Variants in POC1A observed in about 807,000 individuals in gnomAD.
POC1A encodes POC1 centriolar protein homolog A.
POC1A carries 34 observed loss-of-function variants against 47.8 expected under a neutral mutation model. The ratio of observed to expected loss-of-function variants is 0.71; its 90% CI spans 0.54 to 0.95. The LOEUF is 0.95. Among genes scored for constraint, POC1A ranks in the 40% least tolerant of loss-of-function variants. The pLI is 0.00. For synonymous variants in POC1A, 177 were observed against 207.6 expected (o/e 0.85, Z 1.27); for missense variants, 466 against 528.3 (o/e 0.88, Z 1.16).
intron 3 of POC1A, 62 bp downstream of exon 3, chr3:52,149,754 G>A: frequency 6.6e-6 from 10 of 1,505,816 alleles, no homozygotes; most frequent in African/African-American, 1.4e-5. Context: ...GGACCTGGGT[G>A]GGGATGGCTC....
At chr3:52,111,290 C>G (rs1334868666) in intron 9 of POC1A, among the ~76,000 whole-genome samples, 2 of 152,224 alleles carry the variant, frequency 1.3e-5, no homozygotes, top group Non-Finnish European at 2.9e-5. Flanking sequence ...AACCTTGCCA[C>G]CTCTACCCTA....
chr3:52,107,788 T>C (rs1469408789), intron 9 of POC1A, among the ~76,000 whole-genome samples: 1 of 152,192 alleles, frequency 6.6e-6, no homozygotes, highest in African/African-American at 2.4e-5. Context: ...TTTCCATATA[T>C]CCCTCTGCCA....
chr3:52,087,532 C>T (rs1702502278), intron 10 of POC1A, among the ~76,000 whole-genome samples: 1 of 152,166 alleles, frequency 6.6e-6, no homozygotes, highest in South Asian at 2.1e-4. Context: ...GACGGTTTTG[C>T]ATCCCCCAGC....
intron 9 of POC1A, among the ~76,000 whole-genome samples, chr3:52,098,754 T>C (rs1289570275): frequency 6.6e-6 from 1 of 152,138 alleles, no homozygotes; most frequent in Admixed American, 6.5e-5. Flanking sequence ...CCACAGCACT[T>C]AACACTCCAC....
chr3:52,128,790 A>G (rs1158571661), intron 7 of POC1A, among the ~76,000 whole-genome samples: 1 of 152,196 alleles, frequency 6.6e-6, no homozygotes, highest in African/African-American at 2.4e-5. Flanking sequence ...TGTCACCTGC[A>G]TTGAGTTCTT....
chr3:52,099,547 C>T (rs1157345455), intron 9 of POC1A, among the ~76,000 whole-genome samples: 1 of 152,146 alleles, frequency 6.6e-6, no homozygotes, highest in Non-Finnish European at 1.5e-5. Flanking sequence ...TTAAGTATAA[C>T]ATGAATAAAA....
chr3:52,097,257 G>T (rs1003698833), intron 9 of POC1A, among the ~76,000 whole-genome samples: 9 of 152,198 alleles, frequency 5.9e-5, no homozygotes, highest in Admixed American at 5.9e-4. Flanking sequence ...GCGGGGAGAG[G>T]GGTGTTCCAA....
intron 9 of POC1A, among the ~76,000 whole-genome samples, chr3:52,116,041 T>C (rs887756887): frequency 1.3e-5 from 2 of 152,202 alleles, no homozygotes; most frequent in Non-Finnish European, 2.9e-5. Context: ...AAAAAATCTA[T>C]GAGGCAGATG....
intron 10 of POC1A, among the ~76,000 whole-genome samples, chr3:52,096,188 C>T (rs1217733107): frequency 1.3e-5 from 2 of 152,260 alleles, no homozygotes; most frequent in Admixed American, 6.5e-5. Context: ...AACTCATAGC[C>T]TAGGTTCTCA....
chr3:52,120,117 A>G (rs535703895), intron 9 of POC1A, among the ~76,000 whole-genome samples: 37 of 152,344 alleles, frequency 2.4e-4, no homozygotes, highest in African/African-American at 8.4e-4. Context: ...GAACAGTGTT[A>G]TAAAAAGTAG....
At chr3:52,098,132 G>T (rs1490953662) in intron 9 of POC1A, among the ~76,000 whole-genome samples, 1 of 152,154 alleles carries the variant, frequency 6.6e-6, no homozygotes, top group Non-Finnish European at 1.5e-5. Context: ...TCCTTCAAAC[G>T]GCTGGGCTGT....
At chr3:52,112,468 A>G (rs150080394) in intron 9 of POC1A, among the ~76,000 whole-genome samples, 1 of 152,176 alleles carries the variant, frequency 6.6e-6, no homozygotes, top group African/African-American at 2.4e-5. Flanking sequence ...GCGAAACCCC[A>G]TCTCTACTAA....
intron 9 of POC1A, among the ~76,000 whole-genome samples, chr3:52,107,675 G>A (rs938055823): frequency 1.3e-5 from 2 of 152,208 alleles, no homozygotes; most frequent in Admixed American, 1.3e-4. Context: ...GGAGATCAAG[G>A]ATTCCGATAA....
chr3:52,138,025 T>A (rs1345917691), intron 7 of POC1A, 144 bp downstream of exon 7: 2 of 841,986 alleles, frequency 2.4e-6, no homozygotes, highest in African/African-American at 3.4e-5. Flanking sequence ...GGCCCAGCAA[T>A]CTGCCCAGGT....
intron 7 of POC1A, among the ~76,000 whole-genome samples, chr3:52,131,705 TCCCCA>T (rs1451587049): frequency 6.6e-6 from 1 of 151,962 alleles, no homozygotes; most frequent in Non-Finnish European, 1.5e-5. Flanking sequence ...TCGGGGAGTC[TCCCCA>T]GCCCCCAACC....
At chr3:52,141,297 C>A (rs1698185913) in intron 6 of POC1A, among the ~76,000 whole-genome samples, 1 of 152,354 alleles carries the variant, frequency 6.6e-6, no homozygotes, top group Non-Finnish European at 1.5e-5. Flanking sequence ...GGCTGCAAAC[C>A]AGCCAAGGGC....
chr3:52,147,180 G>C (rs1401206629), intron 4 of POC1A, 85 bp from the exon 5 acceptor site: 2 of 1,074,692 alleles, frequency 1.9e-6, no homozygotes, highest in Admixed American at 3.8e-5. Context: ...ACTCTTCCCC[G>C]AGTGCCTACT....
chr3:52,096,473 T>C lies in POC1A; in HGVS notation c.1125+96A>G. ...AAACAGGTCCGTTATAATTATGTTT[T>C]TAAAAATCCAGCACCTGTTGTCCAA... On this transcript the variant is annotated intron_variant, in intron 10 of 10. Transcript: ENST00000296484. The C allele has an allele frequency of 2.8e-6, 3 of 1,077,228 alleles. No homozygotes were observed. The South Asian group carries it at 5.4e-5, about 19-fold the overall frequency. The allele number at this position is 1,077,228 out of a possible 1,614,324, so 66.7% of individuals were successfully genotyped here.
At chr3:52,125,941 G>T (rs1703980918) in intron 7 of POC1A, among the ~76,000 whole-genome samples, 1 of 152,172 alleles carries the variant, frequency 6.6e-6, no homozygotes, top group Non-Finnish European at 1.5e-5. Context: ...TAGCAAAGGA[G>T]GGTTCTTCCC....
Sources: allele counts gnomAD v4.1 joint callset (sites outside exome capture counted in the v4.1 genomes callset), GRCh38; gene constraint gnomAD v4.1.1; transcripts MANE v1.5; gene names NCBI Gene and HGNC (gene_info 2026-07-23, HGNC 2026-07-21).